Variants in SAMSN1 observed in about 807,000 individuals in gnomAD.
SAMSN1 encodes SAM domain-containing protein SAMSN-1.
A neutral mutation model predicts 42.0 loss-of-function variants in SAMSN1; 31 were observed. The ratio of observed to expected loss-of-function variants is 0.74; its 90% CI spans 0.55 to 1.00. SAMSN1 has a LOEUF of 1.00. Ranked by LOEUF, SAMSN1 falls within the 50% of genes least tolerant of loss-of-function variation. The pLI is 0.00. For missense variants in SAMSN1, 464 were observed against 439.4 expected (o/e 1.06, Z -0.50); for synonymous variants, 178 against 151.9 (o/e 1.17, Z -1.26).
chr21:14,506,738 C>T (rs994369257), intron 5 of SAMSN1, among the ~76,000 whole-genome samples: 2 of 151,752 alleles, frequency 1.3e-5, no homozygotes, highest in African/African-American at 2.4e-5. Context: ...AGAGGGTAAC[C>T]AAAAAAGAAA....
At chr21:14,655,354 T>C (rs748024003) in intron 1 of SAMSN1, among the ~76,000 whole-genome samples, 38 of 151,718 alleles carry the variant, frequency 2.5e-4, no homozygotes, top group Non-Finnish European at 4.4e-5. Context: ...ATAGAAACTC[T>C]AGAAAAAGAA....
chr21:14,596,973 T>C (rs8129100), intron 6 of SAMSN1, among the ~76,000 whole-genome samples: 18,302 of 152,172 alleles, frequency 0.12, 1,232 homozygotes, highest in African/African-American at 0.18. Flanking sequence ...AGATTTGTAA[T>C]ACAATAGTTA....
chr21:14,619,870 C>T lies in SAMSN1; in HGVS notation c.157-3854G>A, dbSNP rs569503738. On this transcript the variant is annotated intron_variant, in intron 2 of 15. Coordinates refer to the SAMSN1 transcript ENST00000647101. The stretch of plus-strand genomic sequence containing the variant: ...ATAAACTGGAGGGAATTTAGAAAGG[C>T]CTGTTTGTTCAGCTTCCTCTTGGCG... Among the ~76,000 whole-genome samples the T allele has an allele frequency of 9.9e-5, 15 of 152,106 alleles. No homozygotes were observed. The South Asian group carries it at 3.1e-3, about 32-fold the overall frequency.
At chr21:14,540,594 C>T (rs1979950922) in intron 1 of SAMSN1, among the ~76,000 whole-genome samples, 1 of 152,162 alleles carries the variant, frequency 6.6e-6, no homozygotes, top group Admixed American at 6.5e-5. Context: ...TACCATCTCA[C>T]ACCAGTTAGA....
intron 1 of SAMSN1, among the ~76,000 whole-genome samples, chr21:14,526,686 C>T (rs1204402198): frequency 6.6e-6 from 1 of 152,126 alleles, no homozygotes; most frequent in Non-Finnish European, 1.5e-5. Flanking sequence ...ATATACTCTC[C>T]CCTATGCCAT....
At chr21:14,638,390 A>G (rs1211362481) in intron 2 of SAMSN1, among the ~76,000 whole-genome samples, 1 of 152,130 alleles carries the variant, frequency 6.6e-6, no homozygotes, top group African/African-American at 2.4e-5. Context: ...TGGACTAGTC[A>G]CTTTTCAAGT....
At chr21:14,553,099 T>G (rs367568312) in intron 2 of SAMSN1, among the ~76,000 whole-genome samples, 98 of 152,204 alleles carry the variant, frequency 6.4e-4, no homozygotes, top group African/African-American at 2.3e-3. Flanking sequence ...TAATATATTT[T>G]CTTGATTTAT....
intron 5 of SAMSN1, among the ~76,000 whole-genome samples, chr21:14,501,599 A>G (rs1368664734): frequency 5.3e-5 from 8 of 152,228 alleles, no homozygotes; most frequent in Non-Finnish European, 8.8e-5. Context: ...CTGTTACTCT[A>G]TATATTTCTA....
At chr21:14,542,893 G>A (rs561249174) in intron 1 of SAMSN1, among the ~76,000 whole-genome samples, 1 of 152,144 alleles carries the variant, frequency 6.6e-6, no homozygotes, top group Non-Finnish European at 1.5e-5. Flanking sequence ...GTTAGGGTTA[G>A]GGTTATGTGA....
At chr21:14,623,009 C>G (rs1446990154) in intron 2 of SAMSN1, among the ~76,000 whole-genome samples, 1 of 152,152 alleles carries the variant, frequency 6.6e-6, no homozygotes, top group Admixed American at 6.5e-5. Context: ...AATTTCATAT[C>G]CAGTCAAACC....
intron 2 of SAMSN1, among the ~76,000 whole-genome samples, chr21:14,619,071 A>C (rs1982934313): frequency 6.6e-6 from 1 of 152,256 alleles, no homozygotes; most frequent in Admixed American, 6.5e-5. Context: ...GCACTTCCGT[A>C]TATAAAATTA....
intron 1 of SAMSN1, among the ~76,000 whole-genome samples, chr21:14,538,724 A>G (rs1979802702): frequency 6.6e-6 from 1 of 152,196 alleles, no homozygotes; most frequent in Non-Finnish European, 1.5e-5. Context: ...TAATCAACTC[A>G]TCACCTCTCA....
chr21:14,635,685 T>C (rs961392990), intron 2 of SAMSN1, among the ~76,000 whole-genome samples: 3 of 152,172 alleles, frequency 2.0e-5, no homozygotes, highest in Non-Finnish European at 4.4e-5. Context: ...TAATCAAGGA[T>C]ACTAAATTAA....
chr21:14,554,226 C>T (rs1980686086), intron 2 of SAMSN1, among the ~76,000 whole-genome samples: 1 of 152,084 alleles, frequency 6.6e-6, no homozygotes, highest in South Asian at 2.1e-4. Context: ...TGAGGGTGGA[C>T]TTTAACCACA....
At chr21:14,524,180 G>A (rs1181685851) in intron 1 of SAMSN1, among the ~76,000 whole-genome samples, 1 of 152,110 alleles carries the variant, frequency 6.6e-6, no homozygotes, top group African/African-American at 2.4e-5. Context: ...TATGACTTCT[G>A]TTCTTGTAAA....
intron 4 of SAMSN1, chr21:14,612,819 G>A (rs1033981419): frequency 2.9e-6 from 2 of 680,784 alleles, no homozygotes. Flanking sequence ...CAGGAGAAAA[G>A]AACTTGTGGG....
chr21:14,604,139 C>T lies in SAMSN1; in HGVS notation c.323-2040G>A, dbSNP rs191035780. 1.2e-4 allele frequency among the ~76,000 whole-genome samples: 18 copies of T among 152,252 alleles called. No homozygotes were observed. The East Asian group carries it at 2.7e-3, about 23-fold the overall frequency. On this transcript the variant is annotated intron_variant, in intron 5 of 15. Coordinates refer to the SAMSN1 transcript ENST00000647101. Reference sequence around the variant, plus strand: ...CACGTTTTTGTTTATTTATGATTCCCAAATATTACTCTCCAAAAATGTTTT... The same window carrying T: ...CACGTTTTTGTTTATTTATGATTCCTAAATATTACTCTCCAAAAATGTTTT...
At chr21:14,546,061 T>C (rs1468890586) in intron 1 of SAMSN1, 144 bp downstream of exon 1, 1 of 667,086 alleles carries the variant, frequency 1.5e-6, no homozygotes, top group East Asian at 2.9e-5. Flanking sequence ...CAATTTAATT[T>C]TTCCGTATTT....
chr21:14,588,739 A>G (rs1981997473), intron 7 of SAMSN1, among the ~76,000 whole-genome samples: 1 of 151,754 alleles, frequency 6.6e-6, no homozygotes, highest in Admixed American at 6.6e-5. Context: ...AATGTCCATA[A>G]CTAAGAGTTT....
Sources: allele counts gnomAD v4.1 joint callset (sites outside exome capture counted in the v4.1 genomes callset), GRCh38; gene constraint gnomAD v4.1.1; transcripts MANE v1.5; gene names NCBI Gene and HGNC (gene_info 2026-07-23, HGNC 2026-07-21).